TMF1: variants seen among roughly 807,000 people sequenced by gnomAD.
TMF1 encodes the protein TATA element modulatory factor 1.
A neutral mutation model predicts 126.5 loss-of-function variants in TMF1; 71 were observed. The ratio of observed to expected loss-of-function variants is 0.56; its 90% CI spans 0.46 to 0.68. The LOEUF (loss-of-function observed/expected upper bound fraction) is 0.68, where lower values mean the gene tolerates loss of function less well. TMF1 is among the 30% of genes least tolerant of loss of function. The probability of loss-of-function intolerance (pLI) is 0.00; values close to 1 mark genes in which losing one functional copy is unlikely to be tolerated. For synonymous variants in TMF1, 461 were observed against 430.5 expected (o/e 1.07, Z -0.88); for missense variants, 1,259 against 1,253.2 (o/e 1.00, Z -0.07).
chr3:69,024,084 C>T lies in TMF1; in HGVS notation c.3109G>A (p.Glu1037Lys), dbSNP rs1465428362. 4 of 1,609,004 alleles carry T rather than the reference C, an allele frequency of 2.5e-6. No homozygotes were observed. In the East Asian group the frequency reaches 9.0e-5, roughly 36 times the overall value. ...QNDELEEKVK[E>K]IPKLRTQLRD... ...AGCTGAGTTCTAAGTTTGGGTATCT[C>T]CTTCACCTTCTCTTCAAGTTCATCA... The change falls in exon 16 of 17, where the codon GAG becomes AAG. Residue 1037 changes from glutamate to lysine, a missense_variant. Glu to Lys is a moderately conservative substitution (Grantham distance 56). Coordinates refer to ENST00000398559, the MANE Select transcript of TMF1 (RefSeq NM_007114.3).
At chr3:69,028,355 T>G in intron 11 of TMF1, 60 bp from the exon 12 acceptor site, 1 of 1,149,736 alleles carries the variant, frequency 8.7e-7, no homozygotes, top group Non-Finnish European at 1.3e-6. Flanking sequence ...GTATAGACTA[T>G]TAAAAACTCA....
chr3:69,027,974 A>T lies in TMF1; in HGVS notation c.2683T>A (p.Leu895Ile), dbSNP rs1183974194. Reference sequence around the variant, plus strand: ...TCAACTTTCATTCTTTCCATTTCTAACTGACTATTCAACAATGTCTAATAG... The same window carrying T: ...TCAACTTTCATTCTTTCCATTTCTATCTGACTATTCAACAATGTCTAATAG... ...RKEKTLLNSQ[L>I]EMERMKVEQE... Residue 895 changes from leucine to isoleucine, a missense_variant, in exon 13 of 17, where the codon TTA becomes ATA. By Grantham distance (5) the Leu-to-Ile change is conservative (BLOSUM62 2). Coordinates refer to ENST00000398559, the MANE Select transcript of TMF1 (RefSeq NM_007114.3). The T allele has an allele frequency of 6.3e-7, 1 of 1,575,508 alleles. No individual in the cohort carries two copies.
chr3:69,051,874 C>T, intron 1 of TMF1, 71 bp downstream of exon 1: 1 of 1,564,932 alleles, frequency 6.4e-7, no homozygotes, highest in Non-Finnish European at 8.7e-7. Flanking sequence ...CCTCTCTACA[C>T]CACTTAACCT....
At chr3:69,029,100 G>A (rs1254172278) in intron 11 of TMF1, among the ~76,000 whole-genome samples, 1 of 150,876 alleles carries the variant, frequency 6.6e-6, no homozygotes, top group Non-Finnish European at 1.5e-5. Flanking sequence ...GTGCAATGGT[G>A]CAATCTCACT....
chr3:69,043,959 A>G lies in TMF1; in HGVS notation c.1452-83T>C, dbSNP rs550411151. 1.6e-4 allele frequency: 193 copies of G among 1,186,218 alleles called. 1 individual carries two copies. In the South Asian group the frequency reaches 3.4e-3, roughly 21 times the overall value. 73.5% of individuals were successfully genotyped at this position (1,186,218 alleles called of 1,614,324 possible). A position where few individuals can be genotyped will look rare whatever the true frequency, so the allele number is the denominator to read the frequency against. ...CATGAGTTCAATTCTCAAAAGGAAG[A>G]TAACTTTTCTCTGACATATACCTTA... On this transcript the variant is annotated intron_variant, in intron 3 of 16. Transcript: ENST00000398559.
rs529580926 is a variant in TMF1, at chr3:69,030,036, A to T, written c.2402-29T>A. 1.5e-5 allele frequency: 23 copies of T among 1,581,918 alleles called. No individual in the cohort carries two copies. The African/African-American group carries it at 2.3e-4, about 16-fold the overall frequency. ...ATTACAGGACAGAAAAAAAAATCAC[A>T]TACACATACAGCCCAGAGACCAAAA... On this transcript the variant is annotated intron_variant, in intron 10 of 16. Transcript: ENST00000398559.
chr3:69,028,694 A>C (rs2091783015), intron 11 of TMF1, among the ~76,000 whole-genome samples: 1 of 142,558 alleles, frequency 7.0e-6, no homozygotes, highest in Non-Finnish European at 1.5e-5. Context: ...ATTTTTTTAA[A>C]AAGTAAAATT....
In TMF1 at chr3:69,048,784, G is replaced by A. The variant is rs1021955931; in HGVS notation, c.143-222C>T. On this transcript the variant is annotated intron_variant, in intron 1 of 16. Coordinates refer to ENST00000398559, the MANE Select transcript of TMF1 (RefSeq NM_007114.3). The stretch of plus-strand genomic sequence containing the variant: ...TGGTGTGGGTCCACCTGAGAGGAAG[G>A]AGGAGCACAGACAAAAGACTGGGCC... 31 of 413,484 alleles carry A rather than the reference G, an allele frequency of 7.5e-5. 1 individual carries two copies. The highest frequency in any genetic ancestry group is 1.9e-4 in the South Asian group (4 of 21,482). The allele number at this position is 413,484 out of a possible 1,614,324, so 25.6% of individuals were successfully genotyped here. A position where few individuals can be genotyped will look rare whatever the true frequency, so the allele number is the denominator to read the frequency against.
intron 2 of TMF1, among the ~76,000 whole-genome samples, chr3:69,045,157 C>A (rs2091888716): frequency 6.6e-6 from 1 of 152,150 alleles, no homozygotes. Flanking sequence ...TGACATATTG[C>A]ATTTAAAAAA....
At chr3:69,023,837 C>T (rs2091752166) in intron 16 of TMF1, among the ~76,000 whole-genome samples, 1 of 152,054 alleles carries the variant, frequency 6.6e-6, no homozygotes, top group Non-Finnish European at 1.5e-5. Context: ...AAATCTAGTT[C>T]TTTTCCTATA....
intron 5 of TMF1, 54 bp downstream of exon 5, chr3:69,042,753 G>T: frequency 7.0e-7 from 1 of 1,420,562 alleles, no homozygotes; most frequent in Non-Finnish European, 9.9e-7. Flanking sequence ...TATGTGGCAA[G>T]TACTTTTCCT....
At chr3:69,040,073 G>C (rs1228928681) in intron 5 of TMF1, among the ~76,000 whole-genome samples, 1 of 152,150 alleles carries the variant, frequency 6.6e-6, no homozygotes, top group Non-Finnish European at 1.5e-5. Flanking sequence ...TTTCCTACTA[G>C]AAATATGAAC....
Position 69,047,703 on chromosome 3 carries a change from TA to T in TMF1, c.1001del (p.Leu334Ter). On this transcript the variant is annotated frameshift_variant, in exon 2 of 17. Coordinates refer to ENST00000398559, the MANE Select transcript of TMF1 (RefSeq NM_007114.3). LOFTEE classifies it high-confidence loss of function. ...ERIDSFSVQS[L>X]DSRSVSEINS... ...TGATTTCACTTACACTCCGGCTATC[TA>T]ATGACTGTACACTAAATGAGTCTAT... The T allele has an allele frequency of 6.2e-7, 1 of 1,614,136 alleles. No individual in the cohort carries two copies. Among genetic ancestry groups the T allele is most frequent in the Non-Finnish European group, 8.5e-7 (1 of 1,180,026 alleles).
intron 9 of TMF1, among the ~76,000 whole-genome samples, chr3:69,034,299 C>T (rs2091820745): frequency 6.6e-6 from 1 of 151,914 alleles, no homozygotes; most frequent in Non-Finnish European, 1.5e-5. Flanking sequence ...ATGGTGAAAC[C>T]TCATCTCTAC....
In TMF1 at chr3:69,048,089, T is replaced by G. The variant is rs200301053; in HGVS notation, c.616A>C (p.Thr206Pro). 463 of 1,614,114 alleles carry G rather than the reference T, an allele frequency of 2.9e-4. 1 individual carries two copies. The highest frequency in any genetic ancestry group is 3.4e-5 in the Non-Finnish European group (40 of 1,180,050). The change falls in exon 2 of 17, where the codon ACT becomes CCT. Residue 206 changes from threonine (T) to proline (P), a missense_variant. Transcript: ENST00000398559. ...VSESVIDVKT[T>P]MESISNTSTQ... ...GACGTATTAGATATACTTTCCATAG[T>G]TGTTTTCACATCAATTACACTTTCA...
In TMF1 at chr3:69,020,212, C is replaced by T. The variant is rs532472275; in HGVS notation, c.*2965G>A. On this transcript the variant is annotated 3_prime_UTR_variant, in exon 17 of 17. Coordinates refer to ENST00000398559, the MANE Select transcript of TMF1 (RefSeq NM_007114.3). ...AAAAAAATTTCCTGAACATTCTTTTCACTTACTTCACTACAAACTTCATGT... is the reference window on the plus strand; with the variant it reads ...AAAAAAATTTCCTGAACATTCTTTTTACTTACTTCACTACAAACTTCATGT... 7.2e-5 allele frequency: 11 copies of T among 152,152 alleles called. No homozygotes were observed. Among genetic ancestry groups the T allele is most frequent in the Non-Finnish European group, 1.5e-4 (10 of 68,002 alleles). The allele number at this position is 152,152 out of a possible 1,614,324, so 9.4% of individuals were successfully genotyped here. A position where few individuals can be genotyped will look rare whatever the true frequency, so the allele number is the denominator to read the frequency against.
At position 69,043,750 on chromosome 3, in the gene TMF1, C is replaced by A; in HGVS notation, c.1578G>T (p.Lys526Asn). The A allele has an allele frequency of 6.2e-7, 1 of 1,602,456 alleles. No homozygotes were observed. Among genetic ancestry groups the A allele is most frequent in the Non-Finnish European group, 8.5e-7 (1 of 1,175,430 alleles). The change falls in exon 4 of 17, where the codon AAG (lysine) becomes AAT (asparagine). Residue 526 changes from lysine to asparagine, a missense_variant and splice_region_variant. Coordinates refer to ENST00000398559, the MANE Select transcript of TMF1 (RefSeq NM_007114.3). The part of the protein sequence containing the change: ...LACKERDAAK[K>N]EIKNIKEELA... ...TAATATTACTTTAAATTTCAATTAC[C>A]TTTTTAGCAGCATCTCTCTCTTTGC...
intron 13 of TMF1, among the ~76,000 whole-genome samples, chr3:69,027,458 G>C (rs556000543): frequency 1.3e-5 from 2 of 152,188 alleles, no homozygotes; most frequent in African/African-American, 4.8e-5. Context: ...TCAAGTCCTA[G>C]AAATCATAGA....
Position 69,038,963 on chromosome 3 carries a change from A to G in TMF1, c.1874T>C (p.Ile625Thr), listed in dbSNP as rs374966234. The change falls in exon 7 of 17, where the codon ATT becomes ACT. Residue 625 changes from isoleucine (I) to threonine (T), a missense_variant. Ile to Thr is a moderately conservative substitution (Grantham distance 89). Coordinates refer to ENST00000398559, the MANE Select transcript of TMF1 (RefSeq NM_007114.3). The part of the protein sequence containing the change: ...EEVEKQHREN[I>T]KKLNSMVERQ... ...TTCTACCATGGAATTTAGTTTTTTA[A>G]TATTTTCTCTATGTTGTTTCTCAAC... 23 of 1,609,296 alleles carry G rather than the reference A, an allele frequency of 1.4e-5. No individual in the cohort carries two copies. The African/African-American group carries it at 2.1e-4, about 15-fold the overall frequency.
Sources: gnomAD v4.1 joint callset for allele counts (sites outside exome capture counted in the v4.1 genomes callset) on GRCh38, gnomAD v4.1.1 for gene constraint, MANE v1.5 for transcripts, NCBI Gene and HGNC (gene_info 2026-07-23, HGNC 2026-07-21) for gene names.